The following NUP42 variants were observed in gnomAD, a reference collection of about 807,000 sequenced individuals.
NUP42 encodes the protein nucleoporin NUP42.
In NUP42, 47 loss-of-function variants were observed where a neutral mutation model predicts 35.9. That is an observed-to-expected ratio of 1.31 (90% CI 1.04 to 1.67). The LOEUF (loss-of-function observed/expected upper bound fraction) is 1.67, where lower values mean the gene tolerates loss of function less well. Ranked by LOEUF, NUP42 falls within the 40% of genes most tolerant of loss-of-function variation. The probability of loss-of-function intolerance (pLI) is 0.00; values close to 1 mark genes in which losing one functional copy is unlikely to be tolerated. For synonymous variants in NUP42, 173 were observed against 173.3 expected (o/e 1.00, Z 0.01); for missense variants, 514 against 492.2 (o/e 1.04, Z -0.42).
At position 23,188,393 on chromosome 7, in the gene NUP42, A is replaced by G. The variant is rs577746017; in HGVS notation, c.445+1247A>G. On this transcript the variant is annotated intron_variant, in intron 3 of 6. Coordinates refer to ENST00000258742, the MANE Select transcript of NUP42 (RefSeq NM_007342.3). ...CAATAAGTGATGCAAATAAACTAAG[A>G]TAATTTCAGATAATGATATTTTCTA... is the stretch of plus-strand genomic sequence containing the variant. 1.9e-5 allele frequency: 19 copies of G among 983,284 alleles called. No homozygotes were observed. The African/African-American group carries it at 3.3e-4, about 17-fold the overall frequency. 60.9% of individuals were successfully genotyped at this position (983,284 alleles called of 1,614,324 possible).
intron 3 of NUP42, 43 bp downstream of exon 3, chr7:23,187,189 A>G: frequency 7.5e-7 from 1 of 1,341,316 alleles, no homozygotes; most frequent in Non-Finnish European, 1.1e-6. Context: ...TTCTAAAACT[A>G]TTATTTTCTA....
At chr7:23,199,594 A>T (rs1372400605) in intron 6 of NUP42, 52 bp downstream of exon 6, 1 of 1,459,986 alleles carries the variant, frequency 6.8e-7, no homozygotes, top group African/African-American at 1.4e-5. Flanking sequence ...ATTAGATTTT[A>T]TAGGTTTCAA....
chr7:23,188,147 C>A (rs1785668285), intron 3 of NUP42: 1 of 1,314,024 alleles, frequency 7.6e-7, no homozygotes, highest in Non-Finnish European at 9.8e-7. Context: ...CAAATGGGAG[C>A]TCTTGCAATC....
At chr7:23,188,013 A>AT (rs372134540) in intron 3 of NUP42, 17,921 of 881,820 alleles carry the variant, frequency 0.02, 27 homozygotes, top group East Asian at 0.069. Flanking sequence ...TTTTATTTTT[A>AT]TTTTTTTTTT....
chr7:23,200,934 G>T lies in NUP42; in HGVS notation c.*189G>T. 2.8e-6 allele frequency: 1 copy of T among 357,242 alleles called. No homozygotes were observed. Among genetic ancestry groups the T allele is most frequent in the Non-Finnish European group, 4.9e-6 (1 of 205,698 alleles). 22.1% of individuals were successfully genotyped at this position (357,242 alleles called of 1,614,324 possible). On this transcript the variant is annotated 3_prime_UTR_variant, in exon 7 of 7. Transcript: ENST00000258742. ...AAAGTAACAAAAACTCTGCAAGCAA[G>T]GGAATTTTTTTGTACTGTAATTTTG...
chr7:23,186,363 A>T (rs958319642), intron 2 of NUP42, among the ~76,000 whole-genome samples: 1 of 152,160 alleles, frequency 6.6e-6, no homozygotes, highest in African/African-American at 2.4e-5. Flanking sequence ...TCCTTTCTGC[A>T]TTTGTTGCAA....
chr7:23,182,822 G>A (rs1164703253), intron 1 of NUP42, among the ~76,000 whole-genome samples: 2 of 150,292 alleles, frequency 1.3e-5, no homozygotes, highest in Non-Finnish European at 3.0e-5. Flanking sequence ...GCTGAGACAG[G>A]AGAATCGCTT....
In NUP42 at chr7:23,200,831, ATATT is replaced by A. The variant is rs772511012; in HGVS notation, c.*87_*90del. On this transcript the variant is annotated 3_prime_UTR_variant, in exon 7 of 7. Transcript: ENST00000258742. ...GAGATGTATATATGCATACATGTAT[ATATT>A]CATAAGGAATATAAGCTTCCATCAA... 4 of 714,416 alleles carry A rather than the reference ATATT, an allele frequency of 5.6e-6. No homozygotes were observed. The highest frequency in any genetic ancestry group is 8.5e-6 in the Non-Finnish European group (4 of 469,762). The allele number at this position is 714,416 out of a possible 1,614,324, so 44.3% of individuals were successfully genotyped here.
intron 5 of NUP42, chr7:23,198,247 CTG>C (rs1354751909): frequency 3.3e-5 from 4 of 122,142 alleles, no homozygotes; most frequent in African/African-American, 1.4e-4. Flanking sequence ...GAGTCTCACT[CTG>C]TCACCCAGGC....
chr7:23,183,101 A>G (rs934970809), intron 1 of NUP42, among the ~76,000 whole-genome samples: 11 of 152,270 alleles, frequency 7.2e-5, no homozygotes, highest in Middle Eastern at 3.4e-3. Context: ...GGCCTAGATC[A>G]TTGTCAAAGC....
At chr7:23,192,438 T>C (rs1302557310) in intron 3 of NUP42, among the ~76,000 whole-genome samples, 1 of 149,960 alleles carries the variant, frequency 6.7e-6, no homozygotes, top group Non-Finnish European at 1.5e-5. Flanking sequence ...TCCCAACTAC[T>C]GTGGAGGCTG....
rs141184348 is a variant in NUP42, at chr7:23,188,036, C to G, written c.445+890C>G. 5.9e-3 allele frequency: 8,113 copies of G among 1,384,358 alleles called. 51 individuals carry two copies. The highest frequency in any genetic ancestry group is 7.0e-3 in the Non-Finnish European group (7,311 of 1,042,644). 85.8% of individuals were successfully genotyped at this position (1,384,358 alleles called of 1,614,324 possible). A position where few individuals can be genotyped will look rare whatever the true frequency, so the allele number is the denominator to read the frequency against. On this transcript the variant is annotated intron_variant, in intron 3 of 6. Transcript: ENST00000258742. Reference sequence around the variant, plus strand: ...TTATTTTTTTTTTTGTCCATAGTCCCTAAGCCCTTTCTGGGCTGAAACCTA... The same window carrying G: ...TTATTTTTTTTTTTGTCCATAGTCCGTAAGCCCTTTCTGGGCTGAAACCTA...
intron 1 of NUP42, among the ~76,000 whole-genome samples, chr7:23,184,754 C>T (rs1785532131): frequency 6.6e-6 from 1 of 152,124 alleles, no homozygotes; most frequent in Admixed American, 6.5e-5. Flanking sequence ...CCTATAATTC[C>T]AGCACTTTGG....
chr7:23,197,256 A>G, intron 5 of NUP42: 1 of 1,266,872 alleles, frequency 7.9e-7, no homozygotes, highest in Non-Finnish European at 1.0e-6. Flanking sequence ...TTGTAAATAA[A>G]GTTATGATGT....
chr7:23,185,529 C>T (rs966112580), intron 2 of NUP42, among the ~76,000 whole-genome samples: 7 of 152,164 alleles, frequency 4.6e-5, no homozygotes, highest in Admixed American at 2.6e-4. Flanking sequence ...GATTTTATTT[C>T]ACTTAAAAAT....
chr7:23,187,938 C>A, intron 3 of NUP42: 1 of 195,460 alleles, frequency 5.1e-6, no homozygotes, highest in Admixed American at 6.3e-5. Context: ...TATTCTCTGT[C>A]TCTCTCTCTC....
intron 3 of NUP42, among the ~76,000 whole-genome samples, chr7:23,191,062 A>G (rs760439118): frequency 6.6e-6 from 1 of 152,232 alleles, no homozygotes; most frequent in Non-Finnish European, 1.5e-5. Context: ...TCCTGGCAGT[A>G]GGACTAGCTA....
At chr7:23,188,068 C>A (rs888146102) in intron 3 of NUP42, 2 of 1,444,558 alleles carry the variant, frequency 1.4e-6, no homozygotes, top group Non-Finnish European at 1.8e-6. Context: ...CCTAGACCAC[C>A]GGGCTTTCCC....
intron 1 of NUP42, among the ~76,000 whole-genome samples, chr7:23,182,699 C>T (rs1472682144): frequency 1.4e-5 from 2 of 141,132 alleles, no homozygotes; most frequent in Non-Finnish European, 3.0e-5. Context: ...AGTTTGAGAC[C>T]AGCCTGACCA....
Sources: allele counts gnomAD v4.1 joint callset (sites outside exome capture counted in the v4.1 genomes callset), GRCh38; gene constraint gnomAD v4.1.1; transcripts MANE v1.5; gene names NCBI Gene and HGNC (gene_info 2026-07-23, HGNC 2026-07-21).